The following TMEFF1 variants were observed in gnomAD, a reference collection of about 807,000 sequenced individuals.
The protein encoded by TMEFF1 is tomoregulin-1.
In TMEFF1, 20 loss-of-function variants were observed where a neutral mutation model predicts 47.5. The ratio of observed to expected loss-of-function variants is 0.42; its 90% confidence interval spans 0.30 to 0.61. The LOEUF is 0.61. Among genes scored for constraint, TMEFF1 ranks in the 20% least tolerant of loss-of-function variants. TMEFF1 has a pLI of 0.19. For missense variants in TMEFF1, 411 were observed against 471.1 expected (o/e 0.87, Z 1.18); for synonymous variants, 162 against 166.3 (o/e 0.97, Z 0.20).
chr9:100,506,536 C>T (rs939503081), intron 2 of TMEFF1, among the ~76,000 whole-genome samples: 10 of 151,920 alleles, frequency 6.6e-5, no homozygotes, highest in South Asian at 2.1e-4. Flanking sequence ...GAGGCCGAGG[C>T]GGGCGGATCA....
At chr9:100,481,506 A>G (rs1376497923) in intron 1 of TMEFF1, among the ~76,000 whole-genome samples, 1 of 152,204 alleles carries the variant, frequency 6.6e-6, no homozygotes, top group Non-Finnish European at 1.5e-5. Context: ...TCGAAATACT[A>G]AATTGCGGGG....
intron 7 of TMEFF1, among the ~76,000 whole-genome samples, chr9:100,556,527 G>A (rs1230129292): frequency 6.6e-6 from 1 of 152,072 alleles, no homozygotes; most frequent in Non-Finnish European, 1.5e-5. Flanking sequence ...AGGGGAGAGG[G>A]TAAACAGATG....
At chr9:100,556,553 C>G (rs985848775) in intron 7 of TMEFF1, among the ~76,000 whole-genome samples, 1 of 152,070 alleles carries the variant, frequency 6.6e-6, no homozygotes, top group African/African-American at 2.4e-5. Context: ...AAGTCTACAC[C>G]AAGTTGAAGC....
chr9:100,514,952 G>A (rs961616018), intron 4 of TMEFF1, among the ~76,000 whole-genome samples: 3 of 151,956 alleles, frequency 2.0e-5, no homozygotes, highest in Non-Finnish European at 2.9e-5. Flanking sequence ...CTGAGATTGC[G>A]CCACTGCACT....
At chr9:100,516,566 G>A in intron 4 of TMEFF1, 109 bp from the exon 5 acceptor site, 2 of 1,373,120 alleles carry the variant, frequency 1.5e-6, no homozygotes, top group Non-Finnish European at 1.9e-6. Context: ...GTTTTCAAGA[G>A]CTCAGGTACA....
At chr9:100,541,379 T>C (rs573889140) in intron 5 of TMEFF1, among the ~76,000 whole-genome samples, 64 of 147,482 alleles carry the variant, frequency 4.3e-4, no homozygotes, top group East Asian at 2.6e-3. Flanking sequence ...TTCTTTCTTT[T>C]TTTTTTTTTT....
chr9:100,554,165 A>C (rs530250045), intron 7 of TMEFF1, among the ~76,000 whole-genome samples: 33 of 152,276 alleles, frequency 2.2e-4, no homozygotes, highest in African/African-American at 6.5e-4. Flanking sequence ...GGGATACCTG[A>C]GATAGCGAGA....
intron 5 of TMEFF1, among the ~76,000 whole-genome samples, chr9:100,534,879 C>T (rs1230859401): frequency 6.6e-6 from 1 of 152,138 alleles, no homozygotes; most frequent in East Asian, 1.9e-4. Flanking sequence ...CCGTTAACCA[C>T]CATTTCTATT....
chr9:100,536,598 A>C (rs1262219974), intron 5 of TMEFF1, among the ~76,000 whole-genome samples: 1 of 152,204 alleles, frequency 6.6e-6, no homozygotes, highest in Non-Finnish European at 1.5e-5. Flanking sequence ...TTAGGATTAC[A>C]TTTCTTTTAA....
At chr9:100,509,336 T>G (rs1440480667) in intron 3 of TMEFF1, among the ~76,000 whole-genome samples, 1 of 152,190 alleles carries the variant, frequency 6.6e-6, no homozygotes, top group Non-Finnish European at 1.5e-5. Flanking sequence ...CTTATGTTAC[T>G]CCTTACTACA....
At position 100,514,331 on chromosome 9, in the gene TMEFF1, A is replaced by C. The variant is rs1331548211; in HGVS notation, c.463+998A>C. Among the ~76,000 whole-genome samples, 3 of 151,704 alleles carry C rather than the reference A, an allele frequency of 2.0e-5. 1 individual carries two copies. Among genetic ancestry groups the C allele is most frequent in the South Asian group, 4.2e-4 (2 of 4,808 alleles). On this transcript the variant is annotated intron_variant, in intron 4 of 9. Coordinates refer to ENST00000374879, the MANE Select transcript of TMEFF1 (RefSeq NM_003692.5). Reference sequence around the variant, plus strand: ...GTTTCAGCTAAAAAAAAAAAAAATGATTAAAGCTTTCAAACAATAGAATTT... The same window carrying C: ...GTTTCAGCTAAAAAAAAAAAAAATGCTTAAAGCTTTCAAACAATAGAATTT...
At chr9:100,573,800 C>T (rs769763957) in intron 9 of TMEFF1, among the ~76,000 whole-genome samples, 13 of 152,240 alleles carry the variant, frequency 8.5e-5, no homozygotes, top group Admixed American at 3.3e-4. Flanking sequence ...TTTCATAACA[C>T]CTAGGCATGA....
At chr9:100,559,055 C>G (rs936992590) in intron 7 of TMEFF1, among the ~76,000 whole-genome samples, 1 of 152,044 alleles carries the variant, frequency 6.6e-6, no homozygotes, top group Admixed American at 6.6e-5. Flanking sequence ...TGTGCTTAGC[C>G]ATTATATGTA....
At chr9:100,479,216 T>C (rs1445192322) in intron 1 of TMEFF1, among the ~76,000 whole-genome samples, 4 of 152,192 alleles carry the variant, frequency 2.6e-5, no homozygotes, top group Non-Finnish European at 5.9e-5. Flanking sequence ...TGTAATCTAA[T>C]ATACTGGATG....
intron 1 of TMEFF1, among the ~76,000 whole-genome samples, chr9:100,488,902 AT>A (rs926867221): frequency 2.6e-5 from 4 of 152,102 alleles, no homozygotes; most frequent in African/African-American, 9.7e-5. Context: ...AATTATTTCT[AT>A]TTTTTATTGA....
chr9:100,543,229 A>G (rs1266663990), intron 5 of TMEFF1, among the ~76,000 whole-genome samples: 1 of 152,038 alleles, frequency 6.6e-6, no homozygotes, highest in African/African-American at 2.4e-5. Flanking sequence ...CGCCCAGCCC[A>G]TGTCTCTTTT....
chr9:100,535,230 T>C (rs552617102), intron 5 of TMEFF1, among the ~76,000 whole-genome samples: 120 of 152,356 alleles, frequency 7.9e-4, no homozygotes, highest in Non-Finnish European at 1.4e-3. Context: ...TAATTCCTTT[T>C]ATTTTTCATT....
At chr9:100,496,347 C>G (rs753431646) in intron 1 of TMEFF1, among the ~76,000 whole-genome samples, 5 of 152,192 alleles carry the variant, frequency 3.3e-5, no homozygotes, top group Non-Finnish European at 7.3e-5. Context: ...TCAAGTGATC[C>G]TCCCACCTCA....
At chr9:100,527,467 G>C (rs1439998663) in intron 5 of TMEFF1, among the ~76,000 whole-genome samples, 4 of 152,354 alleles carry the variant, frequency 2.6e-5, no homozygotes, top group East Asian at 1.9e-4. Context: ...CCGAGTCAAA[G>C]AAAGGGGTGA....
Sources: allele counts gnomAD v4.1 joint callset (sites outside exome capture counted in the v4.1 genomes callset), GRCh38; gene constraint gnomAD v4.1.1; transcripts MANE v1.5; gene names NCBI Gene and HGNC (gene_info 2026-07-23, HGNC 2026-07-21).